ADGRL2: variants seen among roughly 807,000 people sequenced by gnomAD.
The protein encoded by ADGRL2 is calcium-independent alpha-latrotoxin receptor 2.
Under a neutral mutation model 157.4 loss-of-function variants are expected in ADGRL2, and 44 were observed. The observed-to-expected ratio is 0.28, with a 90% CI of 0.22 to 0.36. The LOEUF (loss-of-function observed/expected upper bound fraction) is 0.36. Among genes scored for constraint, ADGRL2 ranks in the 10% least tolerant of loss-of-function variants. The pLI, the probability that ADGRL2 is intolerant of heterozygous loss-of-function variation, is 1.00. For missense variants in ADGRL2, 1,510 were observed against 1,768.9 expected, an observed-to-expected ratio of 0.85 and a Z score of 2.63; for synonymous variants, 585 against 624.7, an observed-to-expected ratio of 0.94 and a Z score of 0.95.
At chr1:81,654,862 G>C (rs1394040218) in intron 3 of ADGRL2, among the ~76,000 whole-genome samples, 1 of 152,202 alleles carries the variant, frequency 6.6e-6, no homozygotes, top group East Asian at 1.9e-4. Flanking sequence ...CAAGTGATTT[G>C]TTGGACAGGT....
At chr1:81,552,619 AAAAAAC>A (rs1003318269) in intron 2 of ADGRL2, among the ~76,000 whole-genome samples, 2 of 151,330 alleles carry the variant, frequency 1.3e-5, no homozygotes, top group African/African-American at 4.8e-5. Context: ...AAAAAAAAAA[AAAAAAC>A]AGAAAAGAAA....
At chr1:81,942,205 A>G (rs1198712117) in intron 5 of ADGRL2, among the ~76,000 whole-genome samples, 160 bp downstream of exon 5, 2 of 151,886 alleles carry the variant, frequency 1.3e-5, no homozygotes, top group Admixed American at 6.6e-5. Flanking sequence ...ATGAAATTGT[A>G]TGACTGCTAA....
At chr1:81,329,069 A>G (rs1459208791) in intron 1 of ADGRL2, among the ~76,000 whole-genome samples, 1 of 145,378 alleles carries the variant, frequency 6.9e-6, no homozygotes, top group Non-Finnish European at 1.5e-5. Context: ...TTCTTCCCTG[A>G]TGCAGAAGAA....
rs113405625 is a variant in ADGRL2, at chr1:81,338,232, G to A, written c.-302+31723G>A. Among the ~76,000 whole-genome samples the A allele has an allele frequency of 2.5e-3, 375 of 152,144 alleles. 2 individuals carry two copies. The highest frequency in any genetic ancestry group is 8.6e-3 in the African/African-American group (355 of 41,500). ...ACAAAAATTAGCTGGACTCTGTGGT[G>A]CCAGCTTGTAATTCCAGCTACCGGG... On this transcript the variant is annotated intron_variant, in intron 1 of 24. Transcript: ENST00000370721.
chr1:81,963,646 T>A (rs992507570), intron 11 of ADGRL2, among the ~76,000 whole-genome samples: 9 of 151,932 alleles, frequency 5.9e-5, no homozygotes, highest in African/African-American at 1.9e-4. Context: ...TGAATACTTT[T>A]TAAATTTCTC....
At chr1:81,713,576 C>T (rs1409161429) in intron 1 of ADGRL2, among the ~76,000 whole-genome samples, 1 of 152,170 alleles carries the variant, frequency 6.6e-6, no homozygotes, top group East Asian at 1.9e-4. Context: ...AATTCATCAT[C>T]TTAAGTAAAC....
chr1:81,412,767 G>A (rs1169171251), intron 1 of ADGRL2, among the ~76,000 whole-genome samples: 2 of 152,136 alleles, frequency 1.3e-5, no homozygotes, highest in Non-Finnish European at 2.9e-5. Context: ...TGAATACATG[G>A]ATGGATGGAA....
At chr1:81,316,122 CA>C (rs1369989981) in intron 1 of ADGRL2, among the ~76,000 whole-genome samples, 2 of 129,856 alleles carry the variant, frequency 1.5e-5, no homozygotes, top group African/African-American at 6.5e-5. Flanking sequence ...GATCATCTAC[CA>C]AAAAAACAAA....
chr1:81,757,448 T>C (rs2149292062), intron 1 of ADGRL2, among the ~76,000 whole-genome samples: 1 of 152,156 alleles, frequency 6.6e-6, no homozygotes. Context: ...AATAACTGAG[T>C]CTTGGCCAAT....
In ADGRL2 at chr1:81,792,435, T is replaced by A. The variant is rs554428673; in HGVS notation, c.-101+30583T>A. 3.9e-4 allele frequency among the ~76,000 whole-genome samples: 59 copies of A among 152,310 alleles called. 1 individual carries two copies. The South Asian group carries it at 0.012, about 32-fold the overall frequency. On this transcript the variant is annotated intron_variant, in intron 2 of 20. Coordinates refer to the ADGRL2 transcript ENST00000359929. ...ATGTGATATTGTGCCAGAACACAAATATATAGATGCAGACATATACATATA... is the reference window on the plus strand; with the variant it reads ...ATGTGATATTGTGCCAGAACACAAAAATATAGATGCAGACATATACATATA...
intron 3 of ADGRL2, among the ~76,000 whole-genome samples, chr1:81,649,814 C>T (rs1391433074): frequency 6.6e-6 from 1 of 152,152 alleles, no homozygotes; most frequent in Non-Finnish European, 1.5e-5. Context: ...TCAGCCACTG[C>T]ATCTGATGGA....
In ADGRL2 at chr1:81,985,321, A is replaced by C; in HGVS notation, c.3474A>C (p.Ser1158=). The C allele has an allele frequency of 6.2e-7, 1 of 1,606,882 alleles. No homozygotes were observed. Among genetic ancestry groups the C allele is most frequent in the Non-Finnish European group, 8.5e-7 (1 of 1,175,098 alleles). The change falls in exon 21 of 24, where the codon TCA becomes TCC. Residue 1158 remains serine (S), a synonymous_variant. Coordinates refer to ENST00000686636, the MANE Select transcript of ADGRL2 (RefSeq NM_001366006.2). ...VRKQSESSFI[S]GDINSTSTLN... ...AACAATCAGAATCTTCTTTTATCTC[A>C]GGTGACATCAATAGCACTTCAACAC...
intron 1 of ADGRL2, among the ~76,000 whole-genome samples, chr1:81,834,284 G>T (rs1267903300): frequency 6.6e-6 from 1 of 152,136 alleles, no homozygotes; most frequent in African/African-American, 2.4e-5. Context: ...AATCTTTTCT[G>T]TTTGTTGAAA....
chr1:81,563,580 G>C (rs1276094092), intron 2 of ADGRL2, among the ~76,000 whole-genome samples: 1 of 152,080 alleles, frequency 6.6e-6, no homozygotes, highest in Non-Finnish European at 1.5e-5. Flanking sequence ...TGAGTTACAA[G>C]GTAGACAGAA....
intron 1 of ADGRL2, among the ~76,000 whole-genome samples, chr1:81,826,248 C>G (rs899943289): frequency 6.6e-6 from 1 of 152,162 alleles, no homozygotes; most frequent in Admixed American, 6.6e-5. Flanking sequence ...TACCATTTCA[C>G]ACTAATGCAT....
At chr1:81,983,251 A>G (rs918926403) in intron 19 of ADGRL2, among the ~76,000 whole-genome samples, 3 of 151,980 alleles carry the variant, frequency 2.0e-5, no homozygotes, top group African/African-American at 7.2e-5. Flanking sequence ...ATACTTCAAA[A>G]GAAGTATAAC....
At position 81,503,251 on chromosome 1, in the gene ADGRL2, A is replaced by G. The variant is rs1315487682; in HGVS notation, c.-248+58162A>G. Reference sequence around the variant, plus strand: ...GGCTGCAGCACTGAACCTGACCACGAGTAGCATTGGGAGCGTTAACATGTC... The same window carrying G: ...GGCTGCAGCACTGAACCTGACCACGGGTAGCATTGGGAGCGTTAACATGTC... On this transcript the variant is annotated intron_variant, in intron 2 of 24. Coordinates refer to the ADGRL2 transcript ENST00000370721. The G allele has an allele frequency of 3.7e-6, 6 of 1,614,090 alleles. No individual in the cohort carries two copies. In the East Asian group the frequency reaches 1.3e-4, roughly 36 times the overall value.
chr1:81,561,460 G>GT (rs2080439683), intron 2 of ADGRL2, among the ~76,000 whole-genome samples: 1 of 138,204 alleles, frequency 7.2e-6, no homozygotes, highest in Admixed American at 7.2e-5. Context: ...TGTTGTTGTT[G>GT]TTTTTGTTTT....
chr1:81,324,870 C>T (rs1430481051), intron 1 of ADGRL2, among the ~76,000 whole-genome samples: 1 of 152,072 alleles, frequency 6.6e-6, no homozygotes, highest in Non-Finnish European at 1.5e-5. Context: ...GCGCCCACCA[C>T]CACACCCAGC....
Sources: allele counts gnomAD v4.1 joint callset (sites outside exome capture counted in the v4.1 genomes callset), GRCh38; gene constraint gnomAD v4.1.1; transcripts MANE v1.5; gene names NCBI Gene and HGNC (gene_info 2026-07-23, HGNC 2026-07-21).